The following PCOLCE2 variants were observed in gnomAD, a reference collection of about 807,000 sequenced individuals.
PCOLCE2 encodes procollagen C-proteinase enhancer 2.
A neutral mutation model predicts 47.0 loss-of-function variants in PCOLCE2; 42 were observed. The ratio of observed to expected loss-of-function variants is 0.89; its 90% CI spans 0.70 to 1.16. The LOEUF is 1.16. Ranked by LOEUF, PCOLCE2 falls within the 50% of genes most tolerant of loss-of-function variation. PCOLCE2 has a pLI of 0.00. For synonymous variants in PCOLCE2, 169 were observed against 191.7 expected (o/e 0.88, Z 0.98); for missense variants, 500 against 526.1 (o/e 0.95, Z 0.49).
intron 8 of PCOLCE2, among the ~76,000 whole-genome samples, chr3:142,818,833 C>G (rs987519531): frequency 1.3e-5 from 2 of 152,220 alleles, no homozygotes; most frequent in Admixed American, 6.5e-5. Flanking sequence ...GGAAGCTGGA[C>G]TGAGTGGTTA....
chr3:142,866,998 T>G (rs1933297176), intron 2 of PCOLCE2, among the ~76,000 whole-genome samples: 1 of 152,208 alleles, frequency 6.6e-6, no homozygotes, highest in Admixed American at 6.5e-5. Flanking sequence ...ACAGGTATCA[T>G]GGCAACCAGC....
In PCOLCE2 at chr3:142,818,101, G is replaced by A. The variant is rs1296222772; in HGVS notation, c.*234C>T. 1.0e-5 allele frequency: 4 copies of A among 398,142 alleles called. No homozygotes were observed. The highest frequency in any genetic ancestry group is 4.0e-5 in the East Asian group (1 of 25,002). The allele number at this position is 398,142 out of a possible 1,614,324, so 24.7% of individuals were successfully genotyped here. ...TTGACACTTTTAGCTTCCTATCACC[G>A]CACTAAGTCGGCAGGTTTCCAATCA... is the stretch of plus-strand genomic sequence containing the variant. On this transcript the variant is annotated 3_prime_UTR_variant, in exon 9 of 9. Transcript: ENST00000295992.
rs763892062 is a variant in PCOLCE2 at position 142,848,483 on chromosome 3, A to G, written c.193-11T>C. The G allele has an allele frequency of 3.1e-6, 5 of 1,591,282 alleles. No homozygotes were observed. In the African/African-American group the frequency reaches 4.0e-5, roughly 13 times the overall value. ...TTTTCCTTCGGGAACCTGCCAAGAA[A>G]AGCGCCAATTAGAAAACTGTCATGA... On this transcript the variant is annotated splice_polypyrimidine_tract_variant and intron_variant, in intron 2 of 8. Transcript: ENST00000295992.
At chr3:142,836,344 C>G (rs1937204003) in intron 5 of PCOLCE2, among the ~76,000 whole-genome samples, 2 of 152,210 alleles carry the variant, frequency 1.3e-5, no homozygotes. Context: ...TCCAAACCCC[C>G]CTGGCCTGGA....
chr3:142,886,303 C>A (rs919075677), intron 2 of PCOLCE2, among the ~76,000 whole-genome samples: 5 of 152,222 alleles, frequency 3.3e-5, no homozygotes, highest in Non-Finnish European at 7.3e-5. Context: ...TGAATTTCTA[C>A]TTGGGCACAT....
intron 5 of PCOLCE2, among the ~76,000 whole-genome samples, chr3:142,833,247 G>A (rs1272111335): frequency 3.9e-5 from 6 of 152,002 alleles, no homozygotes; most frequent in African/African-American, 9.7e-5. Flanking sequence ...GGAGTGCAGT[G>A]GCATGGTCTT....
rs551670282 is a variant in PCOLCE2, at chr3:142,869,239, C to T, written c.192+18430G>A. ...CCGGGAGGTGGAGCTTGCAGTGAGC[C>T]GAGATCGCGCCACTACGCTCCAGCC... On this transcript the variant is annotated intron_variant, in intron 2 of 8. Transcript: ENST00000295992. 3.3e-5 allele frequency among the ~76,000 whole-genome samples: 5 copies of T among 150,788 alleles called. No individual in the cohort carries two copies. The East Asian group carries it at 9.8e-4, about 29-fold the overall frequency.
At chr3:142,846,112 CTGTAATTTAATTATAA>C (rs1560134465) in intron 3 of PCOLCE2, among the ~76,000 whole-genome samples, 1 of 152,132 alleles carries the variant, frequency 6.6e-6, no homozygotes, top group Non-Finnish European at 1.5e-5. Flanking sequence ...CTTTAAATTT[CTGTAATTTAATTATAA>C]TGTGCATGGG....
intron 2 of PCOLCE2, among the ~76,000 whole-genome samples, chr3:142,858,501 C>A (rs1196630099): frequency 6.6e-6 from 1 of 152,172 alleles, no homozygotes; most frequent in Non-Finnish European, 1.5e-5. Context: ...CACACACATG[C>A]GCACACATAT....
intron 2 of PCOLCE2, among the ~76,000 whole-genome samples, chr3:142,886,298 T>G (rs1933717554): frequency 6.6e-6 from 1 of 152,206 alleles, no homozygotes; most frequent in African/African-American, 2.4e-5. Context: ...AACCATGAAT[T>G]TCTACTTGGG....
rs1275293542 is a variant in PCOLCE2 at position 142,817,919 on chromosome 3, C to G, written c.*416G>C. ...AAGCATTGATTTAGAAAACGCAAGA[C>G]AAGATTGTAACACCTCAGGGCAAAG... is the stretch of plus-strand genomic sequence containing the variant. On this transcript the variant is annotated 3_prime_UTR_variant, in exon 9 of 9. Transcript: ENST00000295992. The G allele has an allele frequency of 6.4e-6, 1 of 156,516 alleles. No homozygotes were observed. The highest frequency in any genetic ancestry group is 1.9e-4 in the East Asian group (1 of 5,378). The allele number at this position is 156,516 out of a possible 1,614,324, so 9.7% of individuals were successfully genotyped here.
intron 2 of PCOLCE2, among the ~76,000 whole-genome samples, chr3:142,857,973 C>A (rs1232370680): frequency 2.0e-5 from 3 of 152,206 alleles, no homozygotes; most frequent in Non-Finnish European, 4.4e-5. Flanking sequence ...TCCTTTCCCA[C>A]CTCTGTGAGG....
At chr3:142,836,164 TG>T (rs1937201777) in intron 5 of PCOLCE2, among the ~76,000 whole-genome samples, 1 of 152,240 alleles carries the variant, frequency 6.6e-6, no homozygotes, top group Admixed American at 6.5e-5. Context: ...AAATGTTGGC[TG>T]GTTTTTGGTC....
chr3:142,836,121 T>C (rs116212821), intron 5 of PCOLCE2, among the ~76,000 whole-genome samples: 29 of 152,332 alleles, frequency 1.9e-4, no homozygotes, highest in Admixed American at 4.6e-4. Context: ...CCTGTTTTTT[T>C]GGGGACAGTC....
Position 142,818,355 on chromosome 3 carries a change from A to G in PCOLCE2, c.1228T>C (p.Leu410=). The change falls in exon 9 of 9, where the codon TTA becomes CTA. Residue 410 remains leucine (L), a synonymous_variant. Transcript: ENST00000295992. ...KTKNQKLLDA[L]KNKQC is the part of the protein sequence containing the mutation. Reference sequence around the variant, plus strand: ...CACTGTTAACATTGCTTATTTTTTAAGGCATCCAGGAGCTTCTGATTCTTG... The same window carrying G: ...CACTGTTAACATTGCTTATTTTTTAGGGCATCCAGGAGCTTCTGATTCTTG... The G allele has an allele frequency of 1.2e-6, 2 of 1,613,692 alleles. No homozygotes were observed. Among genetic ancestry groups the G allele is most frequent in the Non-Finnish European group, 1.7e-6 (2 of 1,179,680 alleles).
chr3:142,818,315 T>A lies in PCOLCE2; in HGVS notation c.*20A>T, dbSNP rs767337301. 5 of 1,610,964 alleles carry A rather than the reference T, an allele frequency of 3.1e-6. No homozygotes were observed. In the Admixed American group the frequency reaches 8.3e-5, roughly 27 times the overall value. ...TCAAAGGCAATGGCAGAATACAGCT[T>A]AAATGGACACAGTTCACTGTTAACA... On this transcript the variant is annotated 3_prime_UTR_variant, in exon 9 of 9. Coordinates refer to ENST00000295992, the MANE Select transcript of PCOLCE2 (RefSeq NM_013363.4).
At chr3:142,852,396 A>G (rs1932965814) in intron 2 of PCOLCE2, among the ~76,000 whole-genome samples, 1 of 152,204 alleles carries the variant, frequency 6.6e-6, no homozygotes, top group Non-Finnish European at 1.5e-5. Context: ...TGTTAAGAAT[A>G]GAAAAAAAAT....
intron 6 of PCOLCE2, among the ~76,000 whole-genome samples, chr3:142,826,016 T>C (rs920185896): frequency 1.3e-5 from 2 of 151,816 alleles, no homozygotes; most frequent in Middle Eastern, 3.2e-3. Flanking sequence ...TTTTTTTTTT[T>C]CTTTTTGAGA....
intron 2 of PCOLCE2, among the ~76,000 whole-genome samples, chr3:142,865,390 T>C (rs1223565735): frequency 1.3e-5 from 2 of 152,176 alleles, no homozygotes; most frequent in Non-Finnish European, 2.9e-5. Context: ...ACTTAACTTG[T>C]AATAAAGATG....
Sources: allele counts gnomAD v4.1 joint callset (sites outside exome capture counted in the v4.1 genomes callset), GRCh38; gene constraint gnomAD v4.1.1; transcripts MANE v1.5; gene names NCBI Gene and HGNC (gene_info 2026-07-23, HGNC 2026-07-21).